Variants in BRD3OS observed in about 807,000 individuals in gnomAD.
BRD3OS encodes the protein BRD3 opposite strand, also known as uncharacterized protein BRD3OS.
chr9:134,025,846 G>A lies in BRD3OS; in HGVS notation c.-785G>A, dbSNP rs1843422992. 1 of 152,216 alleles carries A rather than the reference G, an allele frequency of 6.6e-6. No homozygotes were observed. Among genetic ancestry groups the A allele is most frequent in the Non-Finnish European group, 1.5e-5 (1 of 68,050 alleles). 9.4% of individuals were successfully genotyped at this position (152,216 alleles called of 1,614,324 possible). A position where few individuals can be genotyped will look rare whatever the true frequency, so the allele number is the denominator to read the frequency against. On this transcript the variant is annotated splice_region_variant and 5_prime_UTR_variant, in exon 2 of 3. Coordinates refer to ENST00000603928, the MANE Select transcript of BRD3OS (RefSeq NM_001355256.2). ...GACATCGTTTTTGTTTGGGTCCAGGGGCCTCACGGGAGCTGGATGCTCGGA... is the reference window on the plus strand; with the variant it reads ...GACATCGTTTTTGTTTGGGTCCAGGAGCCTCACGGGAGCTGGATGCTCGGA...
Position 134,026,452 on chromosome 9 carries a change from C to G in BRD3OS, c.-296C>G, listed in dbSNP as rs1040513412. ...CCCCCCAGGGTGTGACGCCTCGTCC[C>G]TGTCAATTCCACACAGCTGCACCCG... On this transcript the variant is annotated 5_prime_UTR_variant, in exon 3 of 3. Coordinates refer to ENST00000603928, the MANE Select transcript of BRD3OS (RefSeq NM_001355256.2). This position sits in a 1 kb window ranked among gnomAD's most constrained non-coding sequence, Gnocchi z 4.4. 4.2e-6 allele frequency: 1 copy of G among 239,936 alleles called. No individual in the cohort carries two copies. Among genetic ancestry groups the G allele is most frequent in the African/African-American group, 2.2e-5 (1 of 44,754 alleles). 14.9% of individuals were successfully genotyped at this position (239,936 alleles called of 1,614,324 possible). A position where few individuals can be genotyped will look rare whatever the true frequency, so the allele number is the denominator to read the frequency against.
In BRD3OS at chr9:134,028,263, G is replaced by C. The variant is rs543492787; in HGVS notation, c.*1261G>C. ...GTGGGGAGAACCCGGCCGGCAGCTG[G>C]GGATGCGTCCCACAGCTCCTCAGCA... On this transcript the variant is annotated 3_prime_UTR_variant, in exon 3 of 3. Coordinates refer to ENST00000603928, the MANE Select transcript of BRD3OS (RefSeq NM_001355256.2). 5.3e-5 allele frequency: 8 copies of C among 152,354 alleles called. No individual in the cohort carries two copies. In the East Asian group the frequency reaches 1.3e-3, roughly 26 times the overall value. The allele number at this position is 152,354 out of a possible 1,614,324, so 9.4% of individuals were successfully genotyped here. A position where few individuals can be genotyped will look rare whatever the true frequency, so the allele number is the denominator to read the frequency against.
At position 134,029,755 on chromosome 9, in the gene BRD3OS, G is replaced by A. The variant is rs1231527034; in HGVS notation, c.*2753G>A. 2 of 152,266 alleles carry A rather than the reference G, an allele frequency of 1.3e-5. No individual in the cohort carries two copies. Among genetic ancestry groups the A allele is most frequent in the Non-Finnish European group, 2.9e-5 (2 of 68,054 alleles). The allele number at this position is 152,266 out of a possible 1,614,324, so 9.4% of individuals were successfully genotyped here. On this transcript the variant is annotated 3_prime_UTR_variant, in exon 3 of 3. Transcript: ENST00000603928. ...ATCACAAGCCACTTCAGGATAGACT[G>A]AGGTGCAGAGGGAGGGGACAAGCGG... is the stretch of plus-strand genomic sequence containing the variant.
chr9:134,027,228 C>G lies in BRD3OS; in HGVS notation c.*226C>G. On this transcript the variant is annotated 3_prime_UTR_variant, in exon 3 of 3. Transcript: ENST00000603928. ...GGACACTTCCCCTCTAGAGTCCCCTCCGTGGTCAGCTGTTGTGACATTTGA... is the reference window on the plus strand; with the variant it reads ...GGACACTTCCCCTCTAGAGTCCCCTGCGTGGTCAGCTGTTGTGACATTTGA... 1 of 343,902 alleles carries G rather than the reference C, an allele frequency of 2.9e-6. No individual in the cohort carries two copies. Among genetic ancestry groups the G allele is most frequent in the East Asian group, 4.4e-5 (1 of 22,954 alleles). The allele number at this position is 343,902 out of a possible 1,614,324, so 21.3% of individuals were successfully genotyped here.
rs773013606 is a variant in BRD3OS, at chr9:134,029,438, C to G, written c.*2436C>G. The G allele has an allele frequency of 3.3e-5, 5 of 152,392 alleles. No individual in the cohort carries two copies. The highest frequency in any genetic ancestry group is 4.8e-5 in the African/African-American group (2 of 41,462). 9.4% of individuals were successfully genotyped at this position (152,392 alleles called of 1,614,324 possible). ...GAAGACACCATCTGCCTGGGGCGGACAAGGCCCCATGTCCGTCCTCAAGGA... is the reference window on the plus strand; with the variant it reads ...GAAGACACCATCTGCCTGGGGCGGAGAAGGCCCCATGTCCGTCCTCAAGGA... On this transcript the variant is annotated 3_prime_UTR_variant, in exon 3 of 3. Coordinates refer to ENST00000603928, the MANE Select transcript of BRD3OS (RefSeq NM_001355256.2).
chr9:134,025,818 C>T (rs1843422732), intron 1 of BRD3OS, 27 bp from the exon 2 acceptor site: 1 of 152,266 alleles, frequency 6.6e-6, no homozygotes, highest in African/African-American at 2.4e-5. Context: ...TTTGTTTTCT[C>T]CTGACATCGT....
rs1048627069 is a variant in BRD3OS, at chr9:134,029,751, G to C, written c.*2749G>C. 3 of 152,272 alleles carry C rather than the reference G, an allele frequency of 2.0e-5. No homozygotes were observed. Among genetic ancestry groups the C allele is most frequent in the Non-Finnish European group, 4.4e-5 (3 of 68,058 alleles). The allele number at this position is 152,272 out of a possible 1,614,324, so 9.4% of individuals were successfully genotyped here. A position where few individuals can be genotyped will look rare whatever the true frequency, so the allele number is the denominator to read the frequency against. ...GCGCATCACAAGCCACTTCAGGATA[G>C]ACTGAGGTGCAGAGGGAGGGGACAA... On this transcript the variant is annotated 3_prime_UTR_variant, in exon 3 of 3. Transcript: ENST00000603928.
At position 134,030,978 on chromosome 9, in the gene BRD3OS, A is replaced by G; in HGVS notation, c.*3976A>G. On this transcript the variant is annotated 3_prime_UTR_variant, in exon 3 of 3. Transcript: ENST00000603928. ...TTGAATCACCGCAGCCTTCTAATAC[A>G]GAAGAAACGGACGTGACTGTCACCC... is the stretch of plus-strand genomic sequence containing the variant. 4.3e-6 allele frequency: 1 copy of G among 231,336 alleles called. No homozygotes were observed. The highest frequency in any genetic ancestry group is 8.6e-6 in the Non-Finnish European group (1 of 116,782). The allele number at this position is 231,336 out of a possible 1,614,324, so 14.3% of individuals were successfully genotyped here. A position where few individuals can be genotyped will look rare whatever the true frequency, so the allele number is the denominator to read the frequency against.
chr9:134,030,287 CA>C lies in BRD3OS; in HGVS notation c.*3297del, dbSNP rs371929806. Reference sequence around the variant, plus strand: ...CCCCCACAGAAAGCACAGGAAAATGCAAAAAAAAAAAACAGTCTTTTTTTTT... The same window carrying C: ...CCCCCACAGAAAGCACAGGAAAATGCAAAAAAAAAAACAGTCTTTTTTTTT... On this transcript the variant is annotated 3_prime_UTR_variant, in exon 3 of 3. Coordinates refer to ENST00000603928, the MANE Select transcript of BRD3OS (RefSeq NM_001355256.2). The C allele has an allele frequency of 9.8e-4, 67 of 68,482 alleles. 2 individuals carry two copies. Among genetic ancestry groups the C allele is most frequent in the African/African-American group, 2.2e-3 (40 of 17,974 alleles). 4.2% of individuals were successfully genotyped at this position (68,482 alleles called of 1,614,324 possible). A position where few individuals can be genotyped will look rare whatever the true frequency, so the allele number is the denominator to read the frequency against.
Position 134,030,627 on chromosome 9 carries a change from C to CA in BRD3OS, c.*3626dup, listed in dbSNP as rs1180921862. ...GAAGCATTATGCCAGTATTAAGGAA[C>CA]AGTGCTACTCTGGATGTGACAAATT... On this transcript the variant is annotated 3_prime_UTR_variant, in exon 3 of 3. Transcript: ENST00000603928. The CA allele has an allele frequency of 4.4e-6, 1 of 227,800 alleles. No homozygotes were observed. Among genetic ancestry groups the CA allele is most frequent in the Non-Finnish European group, 8.7e-6 (1 of 114,766 alleles). 14.1% of individuals were successfully genotyped at this position (227,800 alleles called of 1,614,324 possible). A position where few individuals can be genotyped will look rare whatever the true frequency, so the allele number is the denominator to read the frequency against.
Position 134,030,789 on chromosome 9 carries a change from G to T in BRD3OS, c.*3787G>T. ...GATGACACTGCCCAACACAAAGAGG[G>T]GTCTGGAGTTCAGTTCACGCCCGAA... On this transcript the variant is annotated 3_prime_UTR_variant, in exon 3 of 3. Transcript: ENST00000603928. 4.3e-6 allele frequency: 1 copy of T among 232,350 alleles called. No homozygotes were observed. Among genetic ancestry groups the T allele is most frequent in the Non-Finnish European group, 8.5e-6 (1 of 117,482 alleles). The allele number at this position is 232,350 out of a possible 1,614,324, so 14.4% of individuals were successfully genotyped here. A position where few individuals can be genotyped will look rare whatever the true frequency, so the allele number is the denominator to read the frequency against.
At position 134,025,489 on chromosome 9, in the gene BRD3OS, C is replaced by G. The variant is rs527996188; in HGVS notation, c.-834C>G. ...GCCGCCGGCCCCGCCCTGGGAGCCCCGCAGTGCGTCGCGCCGCTGCCCGCA... is the reference window on the plus strand; with the variant it reads ...GCCGCCGGCCCCGCCCTGGGAGCCCGGCAGTGCGTCGCGCCGCTGCCCGCA... On this transcript the variant is annotated 5_prime_UTR_variant, in exon 1 of 3. Transcript: ENST00000603928. 5.3e-5 allele frequency: 8 copies of G among 152,108 alleles called. No homozygotes were observed. The East Asian group carries it at 1.4e-3, about 26-fold the overall frequency. 9.4% of individuals were successfully genotyped at this position (152,108 alleles called of 1,614,324 possible). A position where few individuals can be genotyped will look rare whatever the true frequency, so the allele number is the denominator to read the frequency against.
Position 134,029,104 on chromosome 9 carries a change from CA to C in BRD3OS, c.*2103del, listed in dbSNP as rs1843472758. 6.6e-6 allele frequency: 1 copy of C among 152,326 alleles called. No homozygotes were observed. The highest frequency in any genetic ancestry group is 6.5e-5 in the Admixed American group (1 of 15,292). 9.4% of individuals were successfully genotyped at this position (152,326 alleles called of 1,614,324 possible). ...AGGCGGGCCCGCCAAGGAAGCACTC[CA>C]CATCCGCTAGGTAGGGTTTGTCTGC... is the stretch of plus-strand genomic sequence containing the variant. On this transcript the variant is annotated 3_prime_UTR_variant, in exon 3 of 3. Coordinates refer to ENST00000603928, the MANE Select transcript of BRD3OS (RefSeq NM_001355256.2).
chr9:134,029,210 C>T lies in BRD3OS; in HGVS notation c.*2208C>T, dbSNP rs1277362830. On this transcript the variant is annotated 3_prime_UTR_variant, in exon 3 of 3. Transcript: ENST00000603928. ...GCAAATCTGGAATGCCTGTGTGCCA[C>T]CTTCTCACCGCACCACAGACTCCCC... The T allele has an allele frequency of 1.3e-5, 2 of 152,310 alleles. No individual in the cohort carries two copies. Among genetic ancestry groups the T allele is most frequent in the African/African-American group, 4.8e-5 (2 of 41,460 alleles). 9.4% of individuals were successfully genotyped at this position (152,310 alleles called of 1,614,324 possible).
chr9:134,030,889 C>A lies in BRD3OS; in HGVS notation c.*3887C>A, dbSNP rs191271779. On this transcript the variant is annotated 3_prime_UTR_variant, in exon 3 of 3. Transcript: ENST00000603928. The stretch of plus-strand genomic sequence containing the variant: ...TTCCGACACACGACTTGTCACTACT[C>A]CTCTCCCCTTGAAAAAAGCATGTTA... 1.2e-4 allele frequency: 29 copies of A among 232,266 alleles called. No individual in the cohort carries two copies. Among genetic ancestry groups the A allele is most frequent in the Admixed American group, 1.2e-3 (22 of 17,754 alleles). The allele number at this position is 232,266 out of a possible 1,614,324, so 14.4% of individuals were successfully genotyped here. A position where few individuals can be genotyped will look rare whatever the true frequency, so the allele number is the denominator to read the frequency against.
rs1372745488 is a variant in BRD3OS, at chr9:134,028,607, T to C, written c.*1605T>C. On this transcript the variant is annotated 3_prime_UTR_variant, in exon 3 of 3. Transcript: ENST00000603928. ...TTTCACCATGTTGGCCAGGCTGGTCTCGAACTGCCAATCTCAGGTGATCTG... is the reference window on the plus strand; with the variant it reads ...TTTCACCATGTTGGCCAGGCTGGTCCCGAACTGCCAATCTCAGGTGATCTG... 1 of 152,262 alleles carries C rather than the reference T, an allele frequency of 6.6e-6. No homozygotes were observed. The highest frequency in any genetic ancestry group is 6.5e-5 in the Admixed American group (1 of 15,276). The allele number at this position is 152,262 out of a possible 1,614,324, so 9.4% of individuals were successfully genotyped here.
Position 134,029,032 on chromosome 9 carries a change from A to C in BRD3OS, c.*2030A>C, listed in dbSNP as rs2132360608. On this transcript the variant is annotated 3_prime_UTR_variant, in exon 3 of 3. Transcript: ENST00000603928. ...GCCGCATGGAGCTGCAGAGGGAGTG[A>C]GCATGGGGCTGGAGGACCTGCCCCG... The C allele has an allele frequency of 6.6e-6, 1 of 152,246 alleles. No individual in the cohort carries two copies. The highest frequency in any genetic ancestry group is 2.1e-4 in the South Asian group (1 of 4,830). The allele number at this position is 152,246 out of a possible 1,614,324, so 9.4% of individuals were successfully genotyped here.
At position 134,030,521 on chromosome 9, in the gene BRD3OS, G is replaced by GT. The variant is rs1395673004; in HGVS notation, c.*3522dup. 5.8e-5 allele frequency: 12 copies of GT among 207,442 alleles called. No individual in the cohort carries two copies. The highest frequency in any genetic ancestry group is 1.2e-4 in the Admixed American group (2 of 16,808). 12.9% of individuals were successfully genotyped at this position (207,442 alleles called of 1,614,324 possible). A position where few individuals can be genotyped will look rare whatever the true frequency, so the allele number is the denominator to read the frequency against. ...AATATACTAGAAACGGCACTAAAAAGTTTAAGAAAAGTTACGGTAAACTTG... is the reference window on the plus strand; with the variant it reads ...AATATACTAGAAACGGCACTAAAAAGTTTTAAGAAAAGTTACGGTAAACTTG... On this transcript the variant is annotated 3_prime_UTR_variant, in exon 3 of 3. Coordinates refer to ENST00000603928, the MANE Select transcript of BRD3OS (RefSeq NM_001355256.2).
At chr9:134,025,819 C>G in intron 1 of BRD3OS, 26 bp from the exon 2 acceptor site, 1 of 152,292 alleles carries the variant, frequency 6.6e-6, no homozygotes, top group East Asian at 1.9e-4. Context: ...TTGTTTTCTC[C>G]TGACATCGTT....
Sources: gnomAD v4.1 joint callset for allele counts on GRCh38, gnomAD v4.1.1 for gene constraint, Gnocchi (gnomAD v3.1) non-coding constraint, MANE v1.5 for transcripts, NCBI Gene and HGNC (gene_info 2026-07-23, HGNC 2026-07-21) for gene names.